Variants in CLBA1 observed in about 807,000 individuals in gnomAD.
CLBA1 encodes the protein uncharacterized protein CLBA1.
A neutral mutation model predicts 28.8 loss-of-function variants in CLBA1; 30 were observed. The observed-to-expected ratio is 1.04, with a 90% CI of 0.78 to 1.41. The LOEUF is 1.41. Ranked by LOEUF, CLBA1 falls within the 40% of genes most tolerant of loss-of-function variation. The pLI, the probability that CLBA1 is intolerant of heterozygous loss-of-function variation, is 0.00. For missense variants in CLBA1, 451 were observed against 412.3 expected (o/e 1.09, Z -0.81); for synonymous variants, 160 against 152.8 (o/e 1.05, Z -0.35).
At chr14:104,989,514 T>G (rs1456123592) in intron 2 of CLBA1, 30 of 451,606 alleles carry the variant, frequency 6.6e-5, no homozygotes, top group Admixed American at 6.6e-4. Context: ...TTCCACACTC[T>G]GGAGCCCCAT....
At position 104,986,638 on chromosome 14, in the gene CLBA1, T is replaced by C. The variant is rs947060054; in HGVS notation, c.207T>C (p.Pro69=). Residue 69 remains proline (P), a synonymous_variant, in exon 1 of 5, where the codon CCT becomes CCC. Transcript: ENST00000547315. The part of the protein sequence containing the change: ...EGGSTCTARC[P]DPGEHSSTWG... ...GTTCCACCTGCACTGCCCGATGTCCTGACCCTGGGGAACACAGCAGCACTT... is the reference window on the plus strand; with the variant it reads ...GTTCCACCTGCACTGCCCGATGTCCCGACCCTGGGGAACACAGCAGCACTT... 9 of 1,614,036 alleles carry C rather than the reference T, an allele frequency of 5.6e-6. No individual in the cohort carries two copies. The African/African-American group carries it at 9.3e-5, about 17-fold the overall frequency.
intron 3 of CLBA1, 114 bp downstream of exon 3, chr14:104,991,734 G>A (rs1250285918): frequency 2.3e-5 from 30 of 1,330,706 alleles, no homozygotes; most frequent in Non-Finnish European, 2.4e-5. Flanking sequence ...GGGTTCAGGT[G>A]GGTTAAAGCC....
At position 104,991,633 on chromosome 14, in the gene CLBA1, G is replaced by C; in HGVS notation, c.699+13G>C. On this transcript the variant is annotated intron_variant, in intron 3 of 4. Coordinates refer to ENST00000547315, the MANE Select transcript of CLBA1 (RefSeq NM_174891.4). The stretch of plus-strand genomic sequence containing the variant: ...TGCTGCGCAGAAGGTAGGCGGTTTG[G>C]GTTGACACAGGGCTCCTGGGAGTGT... The C allele has an allele frequency of 3.7e-6, 6 of 1,601,072 alleles. No individual in the cohort carries two copies. Among genetic ancestry groups the C allele is most frequent in the Non-Finnish European group, 5.1e-6 (6 of 1,173,194 alleles).
At chr14:104,994,480 G>C (rs1053611283) in intron 4 of CLBA1, 118 bp from the exon 5 acceptor site, 32 of 1,432,992 alleles carry the variant, frequency 2.2e-5, no homozygotes, top group Non-Finnish European at 2.9e-5. Flanking sequence ...TCTAAGAGGA[G>C]AACCAAGGAG....
chr14:104,992,826 T>G, intron 3 of CLBA1, 122 bp from the exon 4 acceptor site: 1 of 851,894 alleles, frequency 1.2e-6, no homozygotes, highest in Non-Finnish European at 2.0e-6. Context: ...GCGCTGACCT[T>G]GAGAGGGGCC....
rs1583854 is a variant in CLBA1, at chr14:104,993,950, A to G, written c.817-648A>G. 25,706 of 985,166 alleles carry G rather than the reference A, an allele frequency of 0.026. 2,204 individuals carry two copies. In the African/African-American group the frequency reaches 0.27, roughly 10 times the overall value. 61.0% of individuals were successfully genotyped at this position (985,166 alleles called of 1,614,324 possible). ...AGGAAGGTTGCATAGCACAGGAGGC[A>G]GCCAGGGTCAGCTTCTGGGCAAGAA... On this transcript the variant is annotated intron_variant, in intron 4 of 4. Transcript: ENST00000547315.
At chr14:104,993,576 G>A (rs555369401) in intron 4 of CLBA1, 62 of 985,454 alleles carry the variant, frequency 6.3e-5, no homozygotes, top group Middle Eastern at 1.0e-3. Flanking sequence ...CATCACAGCC[G>A]GGCTCAAGGC....
downstream of CLBA1, among the ~76,000 whole-genome samples, chr14:104,996,259 C>T (rs1311408011): frequency 6.6e-6 from 1 of 152,208 alleles, no homozygotes; most frequent in East Asian, 1.9e-4. Context: ...CTGCTGCTCT[C>T]GTCCCCAGAG....
Position 104,993,244 on chromosome 14 carries a change from C to T in CLBA1, c.816+180C>T. 5 of 985,448 alleles carry T rather than the reference C, an allele frequency of 5.1e-6. No homozygotes were observed. The South Asian group carries it at 1.9e-4, about 37-fold the overall frequency. 61.0% of individuals were successfully genotyped at this position (985,448 alleles called of 1,614,324 possible). A position where few individuals can be genotyped will look rare whatever the true frequency, so the allele number is the denominator to read the frequency against. ...GACAGGCAAATTGTGAACACCACTG[C>T]AGGGTGCCAAGGAATATAAATACCA... is the stretch of plus-strand genomic sequence containing the variant. On this transcript the variant is annotated intron_variant, in intron 4 of 4. Transcript: ENST00000547315.
chr14:104,989,171 T>A, intron 2 of CLBA1, 83 bp downstream of exon 2: 2 of 1,441,714 alleles, frequency 1.4e-6, no homozygotes, highest in South Asian at 1.3e-5. Flanking sequence ...GCTTTGTTTT[T>A]GCCTTTATGG....
chr14:104,996,479 A>T (rs1192496304), downstream of CLBA1, among the ~76,000 whole-genome samples: 1 of 152,198 alleles, frequency 6.6e-6, no homozygotes, highest in Non-Finnish European at 1.5e-5. Context: ...CAGGGAGCTG[A>T]CGGACACTCC....
rs1336737926 is a variant in CLBA1 at position 104,995,302 on chromosome 14, C to T, written c.*543C>T. 3.0e-6 allele frequency: 3 copies of T among 985,394 alleles called. No individual in the cohort carries two copies. Among genetic ancestry groups the T allele is most frequent in the Non-Finnish European group, 2.4e-6 (2 of 830,036 alleles). 61.0% of individuals were successfully genotyped at this position (985,394 alleles called of 1,614,324 possible). ...CCTCAGAGCCTCGCAGGTGCCCTCA[C>T]TTACTGCCTGGGCCCCTGCCCAGCA... On this transcript the variant is annotated 3_prime_UTR_variant, in exon 5 of 5. Coordinates refer to ENST00000547315, the MANE Select transcript of CLBA1 (RefSeq NM_174891.4).
chr14:104,989,115 C>T (rs1167153037), intron 2 of CLBA1, 27 bp downstream of exon 2: 2 of 1,594,650 alleles, frequency 1.3e-6, no homozygotes, highest in East Asian at 2.2e-5. Flanking sequence ...ATATTTCTTA[C>T]AGCAACTGCT....
intron 2 of CLBA1, chr14:104,991,015 TTTTA>T (rs1480226816): frequency 1.9e-5 from 3 of 159,904 alleles, no homozygotes; most frequent in Non-Finnish European, 2.8e-5. Flanking sequence ...GGAATGCTGT[TTTTA>T]TTTGTTTTTT....
Position 104,985,884 on chromosome 14 carries a change from T to TGCGGGGCCCGGGCCCAGGCCCAGGACAC in CLBA1, c.-542_-541insCCCGGGCCCAGGCCCAGGACACGCGGGG. 4.5e-6 allele frequency: 1 copy of TGCGGGGCCCGGGCCCAGGCCCAGGACAC among 223,078 alleles called. No homozygotes were observed. The highest frequency in any genetic ancestry group is 9.5e-6 in the Non-Finnish European group (1 of 105,458). 13.8% of individuals were successfully genotyped at this position (223,078 alleles called of 1,614,324 possible). A position where few individuals can be genotyped will look rare whatever the true frequency, so the allele number is the denominator to read the frequency against. ...CCGCCGAGGCGGCGACCAAGGTGGG[T>TGCGGGGCCCGGGCCCAGGCCCAGGACAC]GCGGGGACTCTCGGGAGCCGTGGGC... On this transcript the variant is annotated 5_prime_UTR_variant, in exon 1 of 5. Coordinates refer to ENST00000547315, the MANE Select transcript of CLBA1 (RefSeq NM_174891.4).
Position 104,985,884 on chromosome 14 carries a change from T to TGCGGGGCCCAGGCCCGGGCCCAGGACAC in CLBA1, c.-542_-541insCCCAGGCCCGGGCCCAGGACACGCGGGG. The TGCGGGGCCCAGGCCCGGGCCCAGGACAC allele has an allele frequency of 4.5e-6, 1 of 223,078 alleles. No individual in the cohort carries two copies. Among genetic ancestry groups the TGCGGGGCCCAGGCCCGGGCCCAGGACAC allele is most frequent in the Non-Finnish European group, 9.5e-6 (1 of 105,458 alleles). The allele number at this position is 223,078 out of a possible 1,614,324, so 13.8% of individuals were successfully genotyped here. A position where few individuals can be genotyped will look rare whatever the true frequency, so the allele number is the denominator to read the frequency against. On this transcript the variant is annotated 5_prime_UTR_variant, in exon 1 of 5. Coordinates refer to ENST00000547315, the MANE Select transcript of CLBA1 (RefSeq NM_174891.4). ...CCGCCGAGGCGGCGACCAAGGTGGG[T>TGCGGGGCCCAGGCCCGGGCCCAGGACAC]GCGGGGACTCTCGGGAGCCGTGGGC...
At chr14:104,990,741 T>G (rs1483234672) in intron 2 of CLBA1, 1 of 152,476 alleles carries the variant, frequency 6.6e-6, no homozygotes, top group East Asian at 1.9e-4. Flanking sequence ...GAGCATGCAC[T>G]GGTACTCGTA....
In CLBA1 at chr14:104,986,195, T is replaced by G; in HGVS notation, c.-237T>G. On this transcript the variant is annotated 5_prime_UTR_variant, in exon 1 of 5. Transcript: ENST00000547315. ...GTGTCGGACTCCGCGCCCGCCTGCGTGGGAGGAAGCCAGGACTCCCGGGCG... is the reference window on the plus strand; with the variant it reads ...GTGTCGGACTCCGCGCCCGCCTGCGGGGGAGGAAGCCAGGACTCCCGGGCG... 2 of 569,150 alleles carry G rather than the reference T, an allele frequency of 3.5e-6. No homozygotes were observed. The highest frequency in any genetic ancestry group is 6.3e-6 in the Non-Finnish European group (2 of 318,106). The allele number at this position is 569,150 out of a possible 1,614,324, so 35.3% of individuals were successfully genotyped here. A position where few individuals can be genotyped will look rare whatever the true frequency, so the allele number is the denominator to read the frequency against.
chr14:104,988,971 A>C lies in CLBA1; in HGVS notation c.452A>C (p.Lys151Thr), dbSNP rs548694506. ...EPILSYENIL[K>T]CAFQEITVQQ... ...ATTCTCAGCTATGAGAACATTTTAA[A>C]GTGTGCTTTTCAAGAAATAACAGTC... The change falls in exon 2 of 5, where the codon AAG becomes ACG. Residue 151 changes from lysine (K) to threonine (T), a missense_variant. Coordinates refer to ENST00000547315, the MANE Select transcript of CLBA1 (RefSeq NM_174891.4). The C allele has an allele frequency of 5.6e-6, 9 of 1,612,854 alleles. No homozygotes were observed. The South Asian group carries it at 9.9e-5, about 18-fold the overall frequency.
Sources: gnomAD v4.1 joint callset for allele counts (sites outside exome capture counted in the v4.1 genomes callset) on GRCh38, gnomAD v4.1.1 for gene constraint, MANE v1.5 for transcripts, NCBI Gene and HGNC (gene_info 2026-07-23, HGNC 2026-07-21) for gene names.